DNAH14: variants seen among roughly 807,000 people sequenced by gnomAD.
The protein encoded by DNAH14 is axonemal beta dynein heavy chain 14.
Under a neutral mutation model 520.9 loss-of-function variants are expected in DNAH14, and 478 were observed. That is an observed-to-expected ratio of 0.92 (90% CI 0.85 to 0.99). DNAH14 has a LOEUF of 0.99. Ranked by LOEUF, DNAH14 falls within the 50% of genes least tolerant of loss-of-function variation. The pLI, the probability that DNAH14 is intolerant of heterozygous loss-of-function variation, is 0.00. For synonymous variants in DNAH14, 1,581 were observed against 1,757.2 expected, an observed-to-expected ratio of 0.90 and a Z score of 2.51; for missense variants, 4,831 against 5,234.5, an observed-to-expected ratio of 0.92 and a Z score of 2.38.
Position 225,240,579 on chromosome 1 carries a change from C to T in DNAH14, c.6519-14C>T. On this transcript the variant is annotated splice_polypyrimidine_tract_variant and intron_variant, in intron 42 of 85. Transcript: ENST00000682510. The stretch of plus-strand genomic sequence containing the variant: ...AAATGTTAACCTTCATCCTTCCATA[C>T]CTGTCTACCCCAGGGATGAAAATAC... The T allele has an allele frequency of 6.8e-7, 1 of 1,467,816 alleles. No homozygotes were observed. The highest frequency in any genetic ancestry group is 9.3e-7 in the Non-Finnish European group (1 of 1,072,800). 90.9% of individuals were successfully genotyped at this position (1,467,816 alleles called of 1,614,324 possible). A position where few individuals can be genotyped will look rare whatever the true frequency, so the allele number is the denominator to read the frequency against.
At chr1:225,136,770 A>G (rs1185151750) in intron 27 of DNAH14, among the ~76,000 whole-genome samples, 1 of 152,178 alleles carries the variant, frequency 6.6e-6, no homozygotes, top group Non-Finnish European at 1.5e-5. Context: ...CATTCTTCCC[A>G]TCTGTTTCAG....
intron 37 of DNAH14, among the ~76,000 whole-genome samples, chr1:225,188,955 C>A (rs2149335232): frequency 6.6e-6 from 1 of 151,916 alleles, no homozygotes; most frequent in East Asian, 1.9e-4. Flanking sequence ...TTCTTGATTT[C>A]AGTCTTTCTC....
chr1:225,069,554 C>T (rs776195038), intron 17 of DNAH14, among the ~76,000 whole-genome samples: 1 of 152,068 alleles, frequency 6.6e-6, no homozygotes, highest in African/African-American at 2.4e-5. Flanking sequence ...GGGATGAAGC[C>T]TACTTGATCA....
At chr1:225,217,964 T>G (rs2089601648) in intron 41 of DNAH14, among the ~76,000 whole-genome samples, 3 of 152,136 alleles carry the variant, frequency 2.0e-5, no homozygotes, top group Admixed American at 2.0e-4. Flanking sequence ...TCTTCTGCAT[T>G]GCTCACACTT....
intron 8 of DNAH14, among the ~76,000 whole-genome samples, chr1:224,990,691 C>T (rs1418199953): frequency 1.3e-5 from 2 of 152,038 alleles, no homozygotes; most frequent in Admixed American, 1.3e-4. Context: ...TTTATCTGTC[C>T]ATCTGTTAAT....
chr1:225,377,522 G>A, intron 79 of DNAH14, 86 bp downstream of exon 79: 1 of 1,326,322 alleles, frequency 7.5e-7, no homozygotes, highest in Non-Finnish European at 1.0e-6. Flanking sequence ...CACCTTGGGA[G>A]GCTGAGGTGG....
At position 225,140,997 on chromosome 1, in the gene DNAH14, A is replaced by T. The variant is rs1444396028; in HGVS notation, c.4484A>T (p.Asn1495Ile). 2 of 1,548,804 alleles carry T rather than the reference A, an allele frequency of 1.3e-6. No individual in the cohort carries two copies. Among genetic ancestry groups the T allele is most frequent in the Admixed American group, 2.0e-5 (1 of 50,908 alleles). ...VINLLLKNIFNAEDFEWTRHL... is the reference protein window; with the variant it reads ...VINLLLKNIFIAEDFEWTRHL... ...AATTTACTACTTAAAAATATCTTCA[A>T]TGCAGAGGATTTTGAGTGGACAAGG... is the stretch of plus-strand genomic sequence containing the variant. The change falls in exon 28 of 86, where the codon AAT becomes ATT. Residue 1495 changes from asparagine (N) to isoleucine (I), a missense_variant. Coordinates refer to ENST00000682510, the MANE Select transcript of DNAH14 (RefSeq NM_001367479.1).
At chr1:225,227,328 T>C (rs2090636186) in intron 41 of DNAH14, among the ~76,000 whole-genome samples, 1 of 152,142 alleles carries the variant, frequency 6.6e-6, no homozygotes, top group South Asian at 2.1e-4. Flanking sequence ...TACTTGAGAA[T>C]GGAGAATGGC....
chr1:225,129,564 T>C (rs1023089268), intron 27 of DNAH14, among the ~76,000 whole-genome samples: 1 of 152,144 alleles, frequency 6.6e-6, no homozygotes, highest in African/African-American at 2.4e-5. Context: ...ACAAGCAATG[T>C]GGAAAGGATT....
intron 38 of DNAH14, among the ~76,000 whole-genome samples, chr1:225,195,953 A>G (rs78300045): frequency 0.11 from 16,967 of 152,098 alleles, 1,475 homozygotes; most frequent in East Asian, 0.23. Flanking sequence ...TTATTAAAAA[A>G]TAAAATATGT....
intron 27 of DNAH14, among the ~76,000 whole-genome samples, chr1:225,132,877 C>T (rs2148967330): frequency 6.6e-6 from 1 of 152,294 alleles, no homozygotes; most frequent in Non-Finnish European, 1.5e-5. Flanking sequence ...TCCACAACCT[C>T]ACCAGCATCT....
intron 1 of DNAH14, among the ~76,000 whole-genome samples, chr1:224,943,410 G>A (rs753998299): frequency 2.5e-4 from 38 of 151,868 alleles, no homozygotes; most frequent in Middle Eastern, 3.4e-3. Flanking sequence ...TCTTGCTAGC[G>A]GTCTATCAAT....
intron 8 of DNAH14, among the ~76,000 whole-genome samples, chr1:224,993,717 C>T (rs2063207509): frequency 6.6e-6 from 1 of 151,566 alleles, no homozygotes; most frequent in South Asian, 2.1e-4. Context: ...TTCTTTCCTT[C>T]TGCTAATTTT....
At chr1:225,024,040 A>C (rs573264786) in intron 11 of DNAH14, 175 bp downstream of exon 11, 11 of 1,302,830 alleles carry the variant, frequency 8.4e-6, no homozygotes, top group Admixed American at 3.8e-5. Context: ...TACCTTACTT[A>C]ATATCGGTGC....
In DNAH14 at chr1:225,374,901, A is replaced by T. The variant is rs757066650; in HGVS notation, c.12516+16A>T. ...CAGTGATGGGGTAGGAAAAGAATCAATCTTCTTGCATTTCTCGATAATTTT... is the reference window on the plus strand; with the variant it reads ...CAGTGATGGGGTAGGAAAAGAATCATTCTTCTTGCATTTCTCGATAATTTT... On this transcript the variant is annotated intron_variant, in intron 78 of 85. Transcript: ENST00000682510. The T allele has an allele frequency of 1.2e-5, 18 of 1,511,182 alleles. No individual in the cohort carries two copies. Among genetic ancestry groups the T allele is most frequent in the Admixed American group, 1.1e-4 (5 of 45,932 alleles). The allele number at this position is 1,511,182 out of a possible 1,614,324, so 93.6% of individuals were successfully genotyped here. A position where few individuals can be genotyped will look rare whatever the true frequency, so the allele number is the denominator to read the frequency against.
At chr1:225,034,861 G>A (rs980179648) in intron 11 of DNAH14, among the ~76,000 whole-genome samples, 7 of 151,944 alleles carry the variant, frequency 4.6e-5, no homozygotes, top group African/African-American at 1.2e-4. Flanking sequence ...TTGTGTGCAC[G>A]GAGGTGTTTG....
chr1:225,142,357 TA>T (rs2079536213), intron 28 of DNAH14, among the ~76,000 whole-genome samples: 1 of 152,194 alleles, frequency 6.6e-6, no homozygotes, highest in Non-Finnish European at 1.5e-5. Context: ...CAAGATATTT[TA>T]ACCTTTTGAG....
chr1:225,027,715 C>T (rs1229296415), intron 11 of DNAH14, among the ~76,000 whole-genome samples: 1 of 152,086 alleles, frequency 6.6e-6, no homozygotes, highest in Non-Finnish European at 1.5e-5. Flanking sequence ...AATCTTTCCC[C>T]TTAATCCAGT....
intron 41 of DNAH14, among the ~76,000 whole-genome samples, chr1:225,216,710 G>C (rs2089392732): frequency 6.6e-6 from 1 of 152,100 alleles, no homozygotes; most frequent in Admixed American, 6.5e-5. Context: ...TTGTGCATCT[G>C]TCATGTAGTT....
Sources: gnomAD v4.1 joint callset for allele counts (sites outside exome capture counted in the v4.1 genomes callset) on GRCh38, gnomAD v4.1.1 for gene constraint, MANE v1.5 for transcripts, NCBI Gene and HGNC (gene_info 2026-07-23, HGNC 2026-07-21) for gene names.